SHROOM2: variants seen among roughly 807,000 people sequenced by gnomAD.
The protein encoded by SHROOM2 is protein Shroom2.
SHROOM2 carries 33 observed loss-of-function variants against 75.9 expected under a neutral mutation model. The ratio of observed to expected loss-of-function variants is 0.43; its 90% CI spans 0.33 to 0.58. The LOEUF is 0.58. Among genes scored for constraint, SHROOM2 ranks in the 20% least tolerant of loss-of-function variants. The pLI, the probability that SHROOM2 is intolerant of heterozygous loss-of-function variation, is 0.04. For synonymous variants in SHROOM2, 655 were observed against 663.6 expected (o/e 0.99, Z 0.20); for missense variants, 1,434 against 1,461.2 (o/e 0.98, Z 0.30).
At chrX:9,936,494 A>C (rs974677541) in intron 6 of SHROOM2, among the ~76,000 whole-genome samples, 1 of 112,013 alleles carries the variant, frequency 8.9e-6, no homozygotes, top group East Asian at 2.8e-4. Flanking sequence ...GCGAGATCGT[A>C]TCTCACTGGT....
chrX:9,909,314 C>G (rs1406233221), intron 5 of SHROOM2, among the ~76,000 whole-genome samples: 1 of 112,590 alleles, frequency 8.9e-6, no homozygotes, highest in African/African-American at 3.2e-5. Flanking sequence ...CAGACTGATA[C>G]GCAGGATGGT....
At chrX:9,792,652 G>T (rs1217651158) in intron 1 of SHROOM2, among the ~76,000 whole-genome samples, 1 of 109,858 alleles carries the variant, frequency 9.1e-6, no homozygotes, top group Non-Finnish European at 1.9e-5. Context: ...AAGAACCCAG[G>T]CAGGGTAGAC....
In SHROOM2 at chrX:9,895,666, G is replaced by C. The variant is rs371670140; in HGVS notation, c.1758G>C (p.Leu586=). The C allele has an allele frequency of 1.7e-6, 2 of 1,173,631 alleles. No individual in the cohort carries two copies. The highest frequency in any genetic ancestry group is 6.3e-5 in the East Asian group (2 of 31,735). ...SSRICPQETP[L]LHSLTQEGKR... is the part of the protein sequence containing the mutation. ...GGATCTGCCCGCAGGAGACGCCCCT[G>C]TTGCACTCCCTGACCCAGGAGGGGA... is the stretch of plus-strand genomic sequence containing the variant. Residue 586 remains leucine (L), a synonymous_variant, in exon 4 of 10, where the codon CTG becomes CTC. Coordinates refer to ENST00000380913, the MANE Select transcript of SHROOM2 (RefSeq NM_001649.4).
chrX:9,931,753 A>C (rs750486481), intron 5 of SHROOM2, among the ~76,000 whole-genome samples: 3 of 112,196 alleles, frequency 2.7e-5, no homozygotes, highest in Non-Finnish European at 5.6e-5. Flanking sequence ...CCCTTTGTAT[A>C]TGGCAATTTC....
chrX:9,895,835 A>C lies in SHROOM2; in HGVS notation c.1927A>C (p.Lys643Gln), dbSNP rs1569161496. ...EIQMHRAKLQ[K>Q]SRSTVALTAA... ...CCAGATGCATAGAGCCAAGCTGCAG[A>C]AGAGCCGGAGCACAGTGGCTCTGAC... Residue 643 changes from lysine (K) to glutamine (Q), a missense_variant, in exon 4 of 10, where the codon AAG (lysine) becomes CAG (glutamine). By Grantham distance (53) the Lys-to-Gln change is moderately conservative. Coordinates refer to ENST00000380913, the MANE Select transcript of SHROOM2 (RefSeq NM_001649.4). 1 of 1,204,463 alleles carries C rather than the reference A, an allele frequency of 8.3e-7. No individual in the cohort carries two copies. The highest frequency in any genetic ancestry group is 3.0e-5 in the East Asian group (1 of 33,719).
chrX:9,876,613 A>T (rs1002298911), intron 2 of SHROOM2, among the ~76,000 whole-genome samples: 14 of 112,321 alleles, frequency 1.2e-4, no homozygotes, highest in Admixed American at 1.1e-3. Flanking sequence ...TCATGAAAGG[A>T]ACTCTGCAGG....
chrX:9,872,794 G>A (rs758397423), intron 1 of SHROOM2, among the ~76,000 whole-genome samples: 29 of 111,852 alleles, frequency 2.6e-4, no homozygotes, highest in Non-Finnish European at 4.7e-4. Context: ...AATGTAAAAC[G>A]GTACAGCTGC....
chrX:9,831,044 T>A (rs1438275938), intron 1 of SHROOM2, among the ~76,000 whole-genome samples: 1 of 111,787 alleles, frequency 8.9e-6, no homozygotes, highest in African/African-American at 3.3e-5. Context: ...AGGCTTAAGG[T>A]TGAACCCATG....
chrX:9,883,791 T>C (rs2084244668), intron 2 of SHROOM2, among the ~76,000 whole-genome samples: 1 of 110,471 alleles, frequency 9.1e-6, no homozygotes, highest in Non-Finnish European at 1.9e-5. Flanking sequence ...AGAGCTGGGG[T>C]TCATTTGATG....
chrX:9,794,321 G>C (rs1326808194), intron 1 of SHROOM2, among the ~76,000 whole-genome samples: 1 of 111,253 alleles, frequency 9.0e-6, no homozygotes, highest in African/African-American at 3.3e-5. Flanking sequence ...TTGCTCCCTT[G>C]CAACATACTT....
At chrX:9,926,558 G>A (rs776421090) in intron 5 of SHROOM2, among the ~76,000 whole-genome samples, 6 of 111,070 alleles carry the variant, frequency 5.4e-5, no homozygotes, top group African/African-American at 3.3e-5. Flanking sequence ...ATGGTATATC[G>A]TGCTTTTCAC....
intron 5 of SHROOM2, among the ~76,000 whole-genome samples, chrX:9,921,300 A>G (rs1459557720): frequency 8.9e-6 from 1 of 112,085 alleles, no homozygotes; most frequent in Non-Finnish European, 1.9e-5. Context: ...AAACCAATTT[A>G]TTGAGGTATA....
At position 9,832,850 on chromosome X, in the gene SHROOM2, A is replaced by G. The variant is rs546866701; in HGVS notation, c.166-40802A>G. 5.4e-5 allele frequency among the ~76,000 whole-genome samples: 6 copies of G among 111,357 alleles called. No homozygotes were observed. In the South Asian group the frequency reaches 1.9e-3, roughly 35 times the overall value. ...CCAAGGTCAAAACCTCAGATATTTG[A>G]TATTTCTTGTTTTGTGTATAGGAAG... On this transcript the variant is annotated intron_variant, in intron 1 of 9. Coordinates refer to ENST00000380913, the MANE Select transcript of SHROOM2 (RefSeq NM_001649.4).
intron 1 of SHROOM2, among the ~76,000 whole-genome samples, chrX:9,812,118 G>A (rs918108232): frequency 8.9e-6 from 1 of 111,850 alleles, no homozygotes; most frequent in African/African-American, 3.2e-5. Flanking sequence ...CAGGCCAAGA[G>A]CTTTATCTCA....
intron 5 of SHROOM2, among the ~76,000 whole-genome samples, chrX:9,899,422 C>T (rs943628725): frequency 9.0e-6 from 1 of 111,291 alleles, no homozygotes; most frequent in Non-Finnish European, 1.9e-5. Flanking sequence ...ATTTTTCTGT[C>T]GCCTTGAGAA....
At chrX:9,928,059 C>CTAAT (rs996135910) in intron 5 of SHROOM2, among the ~76,000 whole-genome samples, 6 of 112,251 alleles carry the variant, frequency 5.3e-5, no homozygotes, top group African/African-American at 1.9e-4. Context: ...ACTGAGTACA[C>CTAAT]TAATGGTGGC....
intron 1 of SHROOM2, among the ~76,000 whole-genome samples, chrX:9,807,213 A>G (rs755518760): frequency 8.9e-6 from 1 of 112,185 alleles, no homozygotes; most frequent in Non-Finnish European, 1.9e-5. Flanking sequence ...CCCCGTCGCC[A>G]TGCCTAGCGC....
chrX:9,792,064 T>A (rs1187159559), intron 1 of SHROOM2, among the ~76,000 whole-genome samples: 4,597 of 11,734 alleles, frequency 0.39, 430 homozygotes, highest in Admixed American at 0.52. Flanking sequence ...TAGAATAGAA[T>A]AGAATAGAAT....
intron 8 of SHROOM2, among the ~76,000 whole-genome samples, chrX:9,943,779 A>G (rs2084792382): frequency 8.9e-6 from 1 of 112,728 alleles, no homozygotes; most frequent in South Asian, 3.6e-4. Context: ...AGTAGGTTAT[A>G]GTAAAAGACT....
Sources: allele counts gnomAD v4.1 joint callset (sites outside exome capture counted in the v4.1 genomes callset), GRCh38; gene constraint gnomAD v4.1.1; transcripts MANE v1.5; gene names NCBI Gene and HGNC (gene_info 2026-07-23, HGNC 2026-07-21).